The following ERG variants were observed in gnomAD, a reference collection of about 807,000 sequenced individuals.
ERG encodes transcriptional regulator ERG.
ERG carries 9 observed loss-of-function variants against 55.3 expected under a neutral mutation model. The ratio of observed to expected loss-of-function variants is 0.16; its 90% CI spans 0.10 to 0.28. ERG has a LOEUF of 0.28. Among genes scored for constraint, ERG ranks in the 10% least tolerant of loss-of-function variants. The pLI is 1.00. For missense variants in ERG, 434 were observed against 631.6 expected, an observed-to-expected ratio of 0.69 and a Z score of 3.35; for synonymous variants, 223 against 237.3, an observed-to-expected ratio of 0.94 and a Z score of 0.55.
chr21:38,586,902 A>G (rs1386429111), upstream of ERG, among the ~76,000 whole-genome samples: 1 of 152,220 alleles, frequency 6.6e-6, no homozygotes, highest in Non-Finnish European at 1.5e-5. Flanking sequence ...GTGTCCATCA[A>G]CATAAACGCC....
chr21:38,632,533 C>A (rs146348554), intron 1 of ERG, among the ~76,000 whole-genome samples: 262 of 152,172 alleles, frequency 1.7e-3, no homozygotes, highest in Non-Finnish European at 2.2e-3. Flanking sequence ...GAGAGCAGGT[C>A]TTTCCTGTGT....
intron 2 of ERG, among the ~76,000 whole-genome samples, chr21:38,439,355 G>A (rs1393420493): frequency 1.3e-5 from 2 of 152,220 alleles, no homozygotes; most frequent in African/African-American, 2.4e-5. Context: ...AGTCTATCAT[G>A]ACTTGAGCTT....
intron 6 of ERG, among the ~76,000 whole-genome samples, chr21:38,397,079 G>C (rs947231189): frequency 6.6e-6 from 1 of 152,112 alleles, no homozygotes; most frequent in Admixed American, 6.5e-5. Context: ...GAAAATACTA[G>C]GTACGGGCAT....
At chr21:38,420,047 C>T (rs2068966) in intron 3 of ERG, among the ~76,000 whole-genome samples, 34,512 of 149,398 alleles carry the variant, frequency 0.23, 4,768 homozygotes, top group African/African-American at 0.37. Flanking sequence ...TTTTTTTTCA[C>T]TCAGCTATCC....
intron 1 of ERG, among the ~76,000 whole-genome samples, chr21:38,477,865 T>G (rs2059203341): frequency 6.6e-6 from 1 of 152,210 alleles, no homozygotes; most frequent in Admixed American, 6.5e-5. Context: ...GCAACTCAGA[T>G]TTTTTTAAAT....
chr21:38,491,726 A>G (rs1299443945), intron 1 of ERG, among the ~76,000 whole-genome samples: 2 of 152,216 alleles, frequency 1.3e-5, no homozygotes, highest in Non-Finnish European at 2.9e-5. Context: ...GCCTTATGGA[A>G]AACTCTGACC....
chr21:38,502,227 A>C (rs1292428665), upstream of ERG, among the ~76,000 whole-genome samples: 1 of 152,270 alleles, frequency 6.6e-6, no homozygotes, highest in East Asian at 1.9e-4. Flanking sequence ...ACATTGCAGG[A>C]AAATGATGTC....
chr21:38,461,579 G>T (rs952629154), intron 1 of ERG, among the ~76,000 whole-genome samples: 1 of 152,182 alleles, frequency 6.6e-6, no homozygotes, highest in Admixed American at 6.5e-5. Flanking sequence ...GAGCTCTGTA[G>T]GTCAGTCATT....
chr21:38,585,994 G>T, upstream of ERG, among the ~76,000 whole-genome samples: 1 of 151,832 alleles, frequency 6.6e-6, no homozygotes, highest in East Asian at 1.9e-4. Flanking sequence ...AGGGAAGGCA[G>T]GAAAGGAAAG....
chr21:38,391,528 T>A (rs1386904923), intron 8 of ERG, 131 bp downstream of exon 8: 1 of 721,880 alleles, frequency 1.4e-6, no homozygotes, highest in African/African-American at 1.8e-5. Context: ...TTGGGCCCTA[T>A]CTTATGTATG....
intron 2 of ERG, among the ~76,000 whole-genome samples, chr21:38,436,840 T>C (rs1375095697): frequency 6.6e-6 from 1 of 152,002 alleles, no homozygotes; most frequent in African/African-American, 2.4e-5. Context: ...TCTCACAGAA[T>C]CTTTTTCACC....
At chr21:38,548,407 T>G (rs2059801224) in intron 2 of ERG, among the ~76,000 whole-genome samples, 1 of 151,938 alleles carries the variant, frequency 6.6e-6, no homozygotes, top group East Asian at 1.9e-4. Context: ...GATTCCAAGA[T>G]CCTTATAGTT....
intron 1 of ERG, among the ~76,000 whole-genome samples, chr21:38,579,510 T>C (rs1286124304): frequency 6.6e-6 from 1 of 152,144 alleles, no homozygotes; most frequent in Non-Finnish European, 1.5e-5. Flanking sequence ...AGCTGATTCA[T>C]GCAGAGACAA....
chr21:38,641,277 A>C (rs973787246), intron 1 of ERG, among the ~76,000 whole-genome samples: 2 of 152,138 alleles, frequency 1.3e-5, no homozygotes, highest in African/African-American at 2.4e-5. Flanking sequence ...GACCAGAGAG[A>C]GCTCCCTTCA....
intron 9 of ERG, among the ~76,000 whole-genome samples, chr21:38,386,194 C>A (rs1355284934): frequency 6.6e-6 from 1 of 152,224 alleles, no homozygotes; most frequent in Non-Finnish European, 1.5e-5. Context: ...TAATTTCTCA[C>A]TTGACTATTT....
At chr21:38,621,314 C>T (rs1431488853) in intron 1 of ERG, among the ~76,000 whole-genome samples, 1 of 152,206 alleles carries the variant, frequency 6.6e-6, no homozygotes, top group East Asian at 1.9e-4. Flanking sequence ...GTAGAGAGCG[C>T]ACTTTCCTCT....
At chr21:38,485,748 G>A (rs144605582) in intron 1 of ERG, among the ~76,000 whole-genome samples, 1,689 of 151,664 alleles carry the variant, frequency 0.011, 45 homozygotes, top group African/African-American at 0.038. Context: ...ATGAGCCACC[G>A]CGCCTGGCCA....
rs530727198 is a variant in ERG at position 38,658,804 on chromosome 21, T to G, written c.-150+2854A>C. 1.8e-3 allele frequency among the ~76,000 whole-genome samples: 274 copies of G among 152,324 alleles called. 1 individual carries two copies. The highest frequency in any genetic ancestry group is 6.2e-3 in the African/African-American group (258 of 41,572). ...TATCTGATTTTATAAGATTAAAAAC[T>G]CAACAAGGTTTTTCTTTAATATAAA... On this transcript the variant is annotated intron_variant, in intron 1 of 10. Transcript: ENST00000398910.
Position 38,380,710 on chromosome 21 carries a change from AAAT to A in ERG, c.*2690_*2692del. ...GAACTCAGTATTATCATGTTATCCAAAATTATCCCAGTTGCTCATAAGACTTGC... is the reference window on the plus strand; with the variant it reads ...GAACTCAGTATTATCATGTTATCCAATATCCCAGTTGCTCATAAGACTTGC... On this transcript the variant is annotated 3_prime_UTR_variant, in exon 10 of 10. Transcript: ENST00000288319. 1 of 1,065,080 alleles carries A rather than the reference AAAT, an allele frequency of 9.4e-7. No individual in the cohort carries two copies. The highest frequency in any genetic ancestry group is 1.1e-6 in the Non-Finnish European group (1 of 879,168). 66.0% of individuals were successfully genotyped at this position (1,065,080 alleles called of 1,614,324 possible). A position where few individuals can be genotyped will look rare whatever the true frequency, so the allele number is the denominator to read the frequency against.
Sources: gnomAD v4.1 joint callset for allele counts (sites outside exome capture counted in the v4.1 genomes callset) on GRCh38, gnomAD v4.1.1 for gene constraint, MANE v1.5 for transcripts, NCBI Gene and HGNC (gene_info 2026-07-23, HGNC 2026-07-21) for gene names.